MED12L: variants seen among roughly 807,000 people sequenced by gnomAD.
The protein encoded by MED12L is mediator complex subunit 12L.
A neutral mutation model predicts 281.3 loss-of-function variants in MED12L; 60 were observed. That is an observed-to-expected ratio of 0.21 (90% CI 0.17 to 0.26). The LOEUF (loss-of-function observed/expected upper bound fraction) is 0.26, where lower values mean the gene tolerates loss of function less well. Among genes scored for constraint, MED12L ranks in the 10% least tolerant of loss-of-function variants. The probability of loss-of-function intolerance (pLI) is 1.00; values close to 1 mark genes in which losing one functional copy is unlikely to be tolerated. For missense variants in MED12L, 2,146 were observed against 2,680.9 expected (o/e 0.80, Z 4.41); for synonymous variants, 974 against 987.2 (o/e 0.99, Z 0.25).
At chr3:151,406,070 A>C (rs1041686697) in intron 39 of MED12L, among the ~76,000 whole-genome samples, 1 of 152,246 alleles carries the variant, frequency 6.6e-6, no homozygotes, top group African/African-American at 2.4e-5. Flanking sequence ...CAGATAACTA[A>C]GGTGACCAGA....
At chr3:151,294,661 A>G (rs1290292986) in intron 16 of MED12L, 1 of 1,614,200 alleles carries the variant, frequency 6.2e-7, no homozygotes, top group South Asian at 1.1e-5. Context: ...AAGGACTTTT[A>G]AGTTTTGAGC....
intron 16 of MED12L, chr3:151,327,112 A>T (rs1169793468): frequency 6.6e-6 from 1 of 152,202 alleles, no homozygotes; most frequent in African/African-American, 2.4e-5. Flanking sequence ...TTTTTAGCGG[A>T]TGCAGTCAAG....
intron 16 of MED12L, among the ~76,000 whole-genome samples, chr3:151,253,802 C>G (rs1372236774): frequency 2.0e-5 from 3 of 152,208 alleles, no homozygotes; most frequent in East Asian, 3.9e-4. Flanking sequence ...ACTTTCTGGG[C>G]TTGAAACATT....
At chr3:151,162,925 T>A (rs1720187323) in intron 8 of MED12L, among the ~76,000 whole-genome samples, 1 of 152,202 alleles carries the variant, frequency 6.6e-6, no homozygotes, top group Admixed American at 6.5e-5. Context: ...TGATAGTTCT[T>A]ACTTCATTGC....
In MED12L at chr3:151,128,133, TC is replaced by T. The variant is rs1352949248; in HGVS notation, c.556+151del. Reference sequence around the variant, plus strand: ...GCTCGGGTATGGATAGGGCAGCTGTTCCTAGTTCACTCAGTCTCAGAATCCT... The same window carrying T: ...GCTCGGGTATGGATAGGGCAGCTGTTCTAGTTCACTCAGTCTCAGAATCCT... On this transcript the variant is annotated intron_variant, in intron 5 of 44. Coordinates refer to ENST00000687756, the MANE Select transcript of MED12L (RefSeq NM_001393769.1). The T allele has an allele frequency of 1.3e-5, 8 of 629,932 alleles. No homozygotes were observed. The African/African-American group carries it at 1.5e-4, about 12-fold the overall frequency. The allele number at this position is 629,932 out of a possible 1,614,324, so 39.0% of individuals were successfully genotyped here. A position where few individuals can be genotyped will look rare whatever the true frequency, so the allele number is the denominator to read the frequency against.
intron 16 of MED12L, among the ~76,000 whole-genome samples, chr3:151,249,372 G>T (rs960605537): frequency 1.3e-5 from 2 of 152,060 alleles, no homozygotes; most frequent in Non-Finnish European, 2.9e-5. Context: ...GAAATTAGTT[G>T]GAAAACCAAA....
chr3:151,166,789 C>T (rs1720785375), intron 11 of MED12L, among the ~76,000 whole-genome samples: 1 of 152,004 alleles, frequency 6.6e-6, no homozygotes, highest in Admixed American at 6.6e-5. Flanking sequence ...GATTTTCCTG[C>T]CTCAGCCTCC....
intron 16 of MED12L, chr3:151,294,274 C>T (rs1485642267): frequency 1.2e-6 from 2 of 1,613,672 alleles, no homozygotes; most frequent in African/African-American, 1.3e-5. Context: ...TTTTGAACAG[C>T]CTTCTTGAAA....
intron 16 of MED12L, among the ~76,000 whole-genome samples, chr3:151,274,965 T>C (rs909103309): frequency 6.6e-6 from 1 of 152,196 alleles, no homozygotes; most frequent in Non-Finnish European, 1.5e-5. Context: ...TGTAGCAGGA[T>C]GGAAATGTTC....
In MED12L at chr3:151,210,952, G is replaced by A. The variant is rs540634595; in HGVS notation, c.2250+17286G>A. 9.2e-5 allele frequency among the ~76,000 whole-genome samples: 14 copies of A among 152,198 alleles called. 1 individual carries two copies. In the South Asian group the frequency reaches 2.9e-3, roughly 32 times the overall value. On this transcript the variant is annotated intron_variant, in intron 16 of 44. Transcript: ENST00000687756. Reference sequence around the variant, plus strand: ...GCCTCGGTGGGCACCCTGAACACTGGCGTGCCTGCACTATAGCTTTATCTA... The same window carrying A: ...GCCTCGGTGGGCACCCTGAACACTGACGTGCCTGCACTATAGCTTTATCTA...
At chr3:151,176,312 C>G (rs1168089025) in intron 11 of MED12L, among the ~76,000 whole-genome samples, 2 of 152,174 alleles carry the variant, frequency 1.3e-5, no homozygotes, top group African/African-American at 4.8e-5. Flanking sequence ...GCAGTAATCA[C>G]TGTTAATTTT....
intron 37 of MED12L, among the ~76,000 whole-genome samples, chr3:151,388,670 A>G (rs1353091985): frequency 1.3e-5 from 2 of 152,126 alleles, no homozygotes; most frequent in East Asian, 3.8e-4. Context: ...ACCCTCATAT[A>G]TTTTCCTTCT....
At chr3:151,360,327 A>T in intron 20 of MED12L, 147 bp from the exon 21 acceptor site, 1 of 667,788 alleles carries the variant, frequency 1.5e-6, no homozygotes, top group East Asian at 2.8e-5. Flanking sequence ...TATTGTACTG[A>T]GTTATTTACT....
chr3:151,247,698 A>G (rs907738899), intron 16 of MED12L, among the ~76,000 whole-genome samples: 1 of 149,130 alleles, frequency 6.7e-6, no homozygotes, highest in African/African-American at 2.5e-5. Context: ...CCAGCATGGC[A>G]CATGTATACA....
chr3:151,170,012 C>A (rs1424804730), intron 11 of MED12L, among the ~76,000 whole-genome samples: 1 of 152,224 alleles, frequency 6.6e-6, no homozygotes, highest in Non-Finnish European at 1.5e-5. Context: ...ATGCAGTCCT[C>A]TCTACTTCCT....
chr3:151,391,261 A>G (rs529037987), intron 38 of MED12L, among the ~76,000 whole-genome samples: 69 of 152,314 alleles, frequency 4.5e-4, no homozygotes, highest in African/African-American at 1.6e-3. Flanking sequence ...GACCCCACAG[A>G]CATGTTCAGT....
chr3:151,409,401 T>A, intron 40 of MED12L, 69 bp downstream of exon 40: 1 of 1,341,274 alleles, frequency 7.5e-7, no homozygotes. Context: ...GGAAATTAAG[T>A]AAATAGAATA....
At chr3:151,087,099 G>A in intron 2 of MED12L, 74 bp downstream of exon 2, 1 of 1,244,660 alleles carries the variant, frequency 8.0e-7, no homozygotes, top group South Asian at 1.4e-5. Flanking sequence ...AGTTGGCCCA[G>A]CGGGCATCGC....
intron 16 of MED12L, among the ~76,000 whole-genome samples, chr3:151,334,579 C>T (rs1415781661): frequency 6.6e-6 from 1 of 152,066 alleles, no homozygotes; most frequent in Non-Finnish European, 1.5e-5. Context: ...AATCTCGGCT[C>T]ACTGCAACCT....
Sources: allele counts gnomAD v4.1 joint callset (sites outside exome capture counted in the v4.1 genomes callset), GRCh38; gene constraint gnomAD v4.1.1; transcripts MANE v1.5; gene names NCBI Gene and HGNC (gene_info 2026-07-23, HGNC 2026-07-21).